Variants in UBE3C observed in about 807,000 individuals in gnomAD.
The protein encoded by UBE3C is ubiquitin-protein ligase E3C.
UBE3C carries 42 observed loss-of-function variants against 129.4 expected under a neutral mutation model. The observed-to-expected ratio is 0.32, with a 90% CI of 0.25 to 0.42. UBE3C has a LOEUF of 0.42. UBE3C is among the 10% of genes least tolerant of loss of function. The probability of loss-of-function intolerance (pLI) is 1.00; values close to 1 mark genes in which losing one functional copy is unlikely to be tolerated. For synonymous variants in UBE3C, 510 were observed against 492.4 expected (o/e 1.04, Z -0.47); for missense variants, 1,049 against 1,319.1 (o/e 0.80, Z 3.17).
chr7:157,185,380 T>C (rs1808778258), intron 9 of UBE3C, among the ~76,000 whole-genome samples: 1 of 152,266 alleles, frequency 6.6e-6, no homozygotes, highest in Admixed American at 6.5e-5. Context: ...CTATATTCTT[T>C]TTTAATACAT....
intron 11 of UBE3C, 121 bp downstream of exon 11, chr7:157,201,928 G>A (rs887847037): frequency 2.6e-6 from 2 of 773,224 alleles, no homozygotes; most frequent in African/African-American, 1.8e-5. Context: ...CATATTAGAA[G>A]GTAAGTTCCA....
chr7:157,254,926 G>A (rs1796709679), intron 21 of UBE3C, among the ~76,000 whole-genome samples: 1 of 86,586 alleles, frequency 1.2e-5, no homozygotes, highest in African/African-American at 5.9e-5. Context: ...CAGCGTGGTG[G>A]CGTACACCTG....
At chr7:157,229,485 T>C (rs1250639579) in intron 17 of UBE3C, among the ~76,000 whole-genome samples, 1 of 152,136 alleles carries the variant, frequency 6.6e-6, no homozygotes, top group Admixed American at 6.5e-5. Context: ...CGGCTAATTT[T>C]TTTTTGTATT....
At chr7:157,252,206 C>T (rs1433555121) in intron 19 of UBE3C, among the ~76,000 whole-genome samples, 2 of 152,070 alleles carry the variant, frequency 1.3e-5, no homozygotes, top group Non-Finnish European at 2.9e-5. Context: ...CTTGGAAGTT[C>T]CTTTAACTGA....
rs1166207567 is a variant in UBE3C, at chr7:157,163,798, G to T, written c.67-12G>T. ...TATAACCTTACCTCCTTTTTTCTCT[G>T]TTTGGGTGTAGGAGGAAAAGGCTTC... On this transcript the variant is annotated splice_polypyrimidine_tract_variant and intron_variant, in intron 1 of 22. Transcript: ENST00000348165. 3 of 1,610,608 alleles carry T rather than the reference G, an allele frequency of 1.9e-6. No individual in the cohort carries two copies. Among genetic ancestry groups the T allele is most frequent in the Non-Finnish European group, 2.5e-6 (3 of 1,178,956 alleles).
intron 4 of UBE3C, among the ~76,000 whole-genome samples, chr7:157,174,165 C>CCAG (rs1808453058): frequency 6.6e-6 from 1 of 152,146 alleles, no homozygotes; most frequent in African/African-American, 2.4e-5. Flanking sequence ...GAGTTCGAGA[C>CCAG]CAGCCTGGCC....
chr7:157,192,184 T>A (rs1281302377), intron 10 of UBE3C, among the ~76,000 whole-genome samples: 1 of 152,214 alleles, frequency 6.6e-6, no homozygotes, highest in East Asian at 1.9e-4. Context: ...CTAAGAATTC[T>A]TAGAACATTT....
chr7:157,179,152 A>G (rs1026753898), intron 6 of UBE3C, among the ~76,000 whole-genome samples: 17 of 151,994 alleles, frequency 1.1e-4, no homozygotes, highest in African/African-American at 3.9e-4. Flanking sequence ...TGGTGTCTGC[A>G]GTGCAGCTGC....
At chr7:157,193,066 CTGAG>C (rs1809018308) in intron 10 of UBE3C, among the ~76,000 whole-genome samples, 3 of 152,158 alleles carry the variant, frequency 2.0e-5, no homozygotes, top group African/African-American at 7.2e-5. Flanking sequence ...GCTAGCGCGC[CTGAG>C]TGTCTAAGGC....
At chr7:157,182,697 G>A (rs36085410) in intron 8 of UBE3C, among the ~76,000 whole-genome samples, 2,263 of 151,810 alleles carry the variant, frequency 0.015, 29 homozygotes, top group Non-Finnish European at 0.022. Context: ...ATACATACAT[G>A]CATGAATTAT....
At chr7:157,177,869 A>T (rs3802125) in intron 5 of UBE3C, among the ~76,000 whole-genome samples, 4 of 151,440 alleles carry the variant, frequency 2.6e-5, no homozygotes, top group Non-Finnish European at 4.4e-5. Flanking sequence ...AGTTTCAGTG[A>T]GGCATTGAAA....
chr7:157,193,200 T>A (rs989928644), intron 10 of UBE3C, among the ~76,000 whole-genome samples: 6 of 152,226 alleles, frequency 3.9e-5, no homozygotes, highest in Non-Finnish European at 8.8e-5. Context: ...GAATCTTGCA[T>A]TATCTGATGC....
chr7:157,216,772 A>G, intron 13 of UBE3C, 95 bp from the exon 14 acceptor site: 1 of 961,328 alleles, frequency 1.0e-6, no homozygotes, highest in East Asian at 2.6e-5. Context: ...TTCCTGCACC[A>G]CCGCTGTGTG....
chr7:157,156,227 T>C (rs1387099964), intron 1 of UBE3C, among the ~76,000 whole-genome samples: 1 of 151,618 alleles, frequency 6.6e-6, no homozygotes, highest in African/African-American at 2.4e-5. Flanking sequence ...ACATGGGTGA[T>C]CATTCAGATG....
intron 1 of UBE3C, among the ~76,000 whole-genome samples, chr7:157,157,373 AATG>A (rs1807939054): frequency 6.6e-6 from 1 of 152,198 alleles, no homozygotes. Flanking sequence ...GCATCATGAA[AATG>A]ATTATTTGTA....
intron 10 of UBE3C, chr7:157,192,781 A>G (rs1809007266): frequency 1.0e-5 from 13 of 1,297,842 alleles, no homozygotes; most frequent in Non-Finnish European, 1.4e-5. Context: ...GACAGACATT[A>G]TTGTGGCAAA....
chr7:157,231,498 C>A, intron 18 of UBE3C, 171 bp downstream of exon 18: 2 of 945,756 alleles, frequency 2.1e-6, no homozygotes, highest in Non-Finnish European at 3.1e-6. Context: ...TAAGTAGGTG[C>A]TATGGTTTGA....
chr7:157,145,794 A>G (rs764478269), intron 1 of UBE3C, among the ~76,000 whole-genome samples: 4 of 152,152 alleles, frequency 2.6e-5, no homozygotes, highest in Non-Finnish European at 5.9e-5. Flanking sequence ...GGTTTACAGA[A>G]TAATTGATGG....
chr7:157,221,293 T>G (rs933967102), intron 15 of UBE3C: 2 of 153,756 alleles, frequency 1.3e-5, no homozygotes, highest in Non-Finnish European at 2.9e-5. Flanking sequence ...GGAGTAAGAA[T>G]CCTGAGACAT....
Sources: gnomAD v4.1 joint callset for allele counts (sites outside exome capture counted in the v4.1 genomes callset) on GRCh38, gnomAD v4.1.1 for gene constraint, MANE v1.5 for transcripts, NCBI Gene and HGNC (gene_info 2026-07-23, HGNC 2026-07-21) for gene names.